Variants in TLE4 observed in about 807,000 individuals in gnomAD.
TLE4 encodes the protein TLE family member 4, transcriptional corepressor.
A neutral mutation model predicts 92.8 loss-of-function variants in TLE4; 8 were observed. The observed-to-expected ratio is 0.09, with a 90% CI of 0.05 to 0.16. TLE4 has a LOEUF of 0.16. Ranked by LOEUF, TLE4 falls within the 10% of genes least tolerant of loss-of-function variation. The probability of loss-of-function intolerance (pLI) is 1.00; values close to 1 mark genes in which losing one functional copy is unlikely to be tolerated. For synonymous variants in TLE4, 371 were observed against 374.1 expected (o/e 0.99, Z 0.10); for missense variants, 675 against 997.6 (o/e 0.68, Z 4.36).
chr9:79,704,597 C>T, intron 8 of TLE4, 186 bp from the exon 9 acceptor site: 2 of 667,288 alleles, frequency 3.0e-6, no homozygotes, highest in Non-Finnish European at 4.8e-6. Context: ...TCTTTTGCTA[C>T]TTGTCTTTCC....
chr9:79,724,401 G>T (rs2076114574), intron 19 of TLE4, among the ~76,000 whole-genome samples: 1 of 152,016 alleles, frequency 6.6e-6, no homozygotes, highest in Non-Finnish European at 1.5e-5. Flanking sequence ...CCGTCTTAAT[G>T]GTAGAATAGG....
intron 6 of TLE4, among the ~76,000 whole-genome samples, chr9:79,631,422 C>T (rs2054168017): frequency 6.6e-6 from 1 of 151,962 alleles, no homozygotes; most frequent in African/African-American, 2.4e-5. Flanking sequence ...GGTTTTAAAC[C>T]CATAATTCAT....
intron 6 of TLE4, among the ~76,000 whole-genome samples, chr9:79,631,240 T>C (rs543558527): frequency 6.6e-6 from 1 of 152,176 alleles, no homozygotes; most frequent in Non-Finnish European, 1.5e-5. Flanking sequence ...GTAAACTGTG[T>C]TAGAGAACTC....
chr9:79,579,541 G>A (rs1047059515), intron 4 of TLE4, among the ~76,000 whole-genome samples: 35 of 152,204 alleles, frequency 2.3e-4, no homozygotes, highest in African/African-American at 8.0e-4. Context: ...CAATGTGAAA[G>A]CTTCTTCATT....
Position 79,718,869 on chromosome 9 carries a change from C to T in TLE4, c.1488C>T (p.Ser496=), listed in dbSNP as rs1409395478. Residue 496 remains serine (S), a synonymous_variant, in exon 15 of 20, where the codon AGC becomes AGT. Transcript: ENST00000376552. ...AGGTGGTGTGCGCGGTGACCATCAG[C>T]AACCCCACGAGACACGTGTACACGG... The part of the protein sequence containing the change: ...HGEVVCAVTI[S]NPTRHVYTGG... The T allele has an allele frequency of 6.2e-7, 1 of 1,614,154 alleles. No individual in the cohort carries two copies. Among genetic ancestry groups the T allele is most frequent in the Non-Finnish European group, 8.5e-7 (1 of 1,180,036 alleles).
chr9:79,705,531 T>TA (rs1765966876), intron 9 of TLE4, among the ~76,000 whole-genome samples: 1 of 152,160 alleles, frequency 6.6e-6, no homozygotes, highest in African/African-American at 2.4e-5. Context: ...TTTTTTAAAA[T>TA]ACCAACAAAC....
chr9:79,595,881 C>G (rs1018955182), intron 4 of TLE4, among the ~76,000 whole-genome samples: 4 of 145,142 alleles, frequency 2.8e-5, no homozygotes, highest in African/African-American at 1.0e-4. Context: ...CGGAGTCTTG[C>G]TGTCACCCAG....
chr9:79,650,739 G>A (rs1280708950), intron 6 of TLE4, among the ~76,000 whole-genome samples: 6 of 152,064 alleles, frequency 3.9e-5, no homozygotes, highest in Admixed American at 2.6e-4. Flanking sequence ...GGTTGGTGGA[G>A]TATCTGGATG....
intron 5 of TLE4, among the ~76,000 whole-genome samples, chr9:79,614,323 G>C (rs1588078759): frequency 6.6e-6 from 1 of 152,132 alleles, no homozygotes; most frequent in Admixed American, 6.5e-5. Context: ...GTATGGCTTT[G>C]GTCTCATCAC....
intron 1 of TLE4, chr9:79,573,359 T>C (rs2036494186): frequency 8.9e-7 from 1 of 1,124,748 alleles, no homozygotes; most frequent in South Asian, 2.9e-5. Context: ...GACGGGCCAG[T>C]TTCGATTCCG....
At chr9:79,588,907 C>T (rs1246608626) in intron 4 of TLE4, among the ~76,000 whole-genome samples, 1 of 152,126 alleles carries the variant, frequency 6.6e-6, no homozygotes, top group Non-Finnish European at 1.5e-5. Flanking sequence ...GGAACCCAAA[C>T]AAAAGAATTA....
chr9:79,681,031 G>T (rs1048192521), intron 8 of TLE4, among the ~76,000 whole-genome samples: 21 of 152,130 alleles, frequency 1.4e-4, no homozygotes, highest in African/African-American at 4.8e-4. Context: ...CGTTTTGCCA[G>T]TATTTTATTG....
intron 4 of TLE4, among the ~76,000 whole-genome samples, chr9:79,609,130 A>G (rs531548849): frequency 6.6e-6 from 1 of 152,178 alleles, no homozygotes; most frequent in South Asian, 2.1e-4. Context: ...TCACTTTCCC[A>G]TGATGTAAGA....
chr9:79,709,753 T>C, intron 14 of TLE4, 54 bp downstream of exon 14: 1 of 1,526,330 alleles, frequency 6.6e-7, no homozygotes, highest in Non-Finnish European at 9.1e-7. Flanking sequence ...GGTCCCTTGC[T>C]GGCCCCGTAG....
In TLE4 at chr9:79,652,676, T is replaced by G; in HGVS notation, c.474T>G (p.Pro158=). The part of the protein sequence containing the change: ...LTPHPSGLQP[P]AIPPIGSSAG... The stretch of plus-strand genomic sequence containing the variant: ...CACACCCTTCAGGGCTCCAGCCCCC[T>G]GCCATTCCACCCATCGGTAGCAGTG... The change falls in exon 7 of 20, where the codon CCT becomes CCG. Residue 158 remains proline, a synonymous_variant. Coordinates refer to ENST00000376552, the MANE Select transcript of TLE4 (RefSeq NM_007005.6). 1 of 1,614,184 alleles carries G rather than the reference T, an allele frequency of 6.2e-7. No homozygotes were observed. Among genetic ancestry groups the G allele is most frequent in the Non-Finnish European group, 8.5e-7 (1 of 1,180,026 alleles).
In TLE4 at chr9:79,573,791, C is replaced by T; in HGVS notation, c.143+5C>T. Reference sequence around the variant, plus strand: ...TTTACAGGCTCAATACCACAGGTAACGATATTGACTTTAGCTGATCCTTCT... The same window carrying T: ...TTTACAGGCTCAATACCACAGGTAATGATATTGACTTTAGCTGATCCTTCT... On this transcript the variant is annotated splice_donor_5th_base_variant and intron_variant, in intron 2 of 19. Coordinates refer to ENST00000376552, the MANE Select transcript of TLE4 (RefSeq NM_007005.6). The T allele has an allele frequency of 1.3e-6, 2 of 1,574,748 alleles. No individual in the cohort carries two copies. The highest frequency in any genetic ancestry group is 1.3e-5 in the African/African-American group (1 of 74,434).
At position 79,653,922 on chromosome 9, in the gene TLE4, G is replaced by C. The variant is rs1429960450; in HGVS notation, c.593-137G>C. The C allele has an allele frequency of 3.0e-6, 3 of 1,007,136 alleles. No individual in the cohort carries two copies. The African/African-American group carries it at 4.8e-5, about 16-fold the overall frequency. 62.4% of individuals were successfully genotyped at this position (1,007,136 alleles called of 1,614,324 possible). On this transcript the variant is annotated intron_variant, in intron 7 of 19. Transcript: ENST00000376552. ...TATTAATAATTAATTTTACAGCACA[G>C]TTGACATCTGTGTAATTTATTATTT...
chr9:79,665,460 A>G (rs1314142749), intron 8 of TLE4, among the ~76,000 whole-genome samples: 1 of 152,202 alleles, frequency 6.6e-6, no homozygotes. Flanking sequence ...TTCATTTCTC[A>G]GAGCTTCTGG....
In TLE4 at chr9:79,706,450, T is replaced by G. The variant is rs184064185; in HGVS notation, c.784-297T>G. 2.2e-3 allele frequency among the ~76,000 whole-genome samples: 340 copies of G among 152,138 alleles called. 7 individuals carry two copies. The highest frequency in any genetic ancestry group is 0.019 in the Admixed American group (284 of 15,296). On this transcript the variant is annotated intron_variant, in intron 10 of 19. Transcript: ENST00000376552. ...AATAAGGTGTCATTCTCTACTGCAG[T>G]GAAGGCACACCAGATCTCTGTGGTC...
Sources: allele counts gnomAD v4.1 joint callset (sites outside exome capture counted in the v4.1 genomes callset), GRCh38; gene constraint gnomAD v4.1.1; transcripts MANE v1.5; gene names NCBI Gene and HGNC (gene_info 2026-07-23, HGNC 2026-07-21).